Variants in POU2F2 observed in about 807,000 individuals in gnomAD.
The protein encoded by POU2F2 is POU class 2 homeobox 2, also known as POU domain, class 2, transcription factor 2.
In POU2F2, 14 loss-of-function variants were observed where a neutral mutation model predicts 63.5. That is an observed-to-expected ratio of 0.22 (90% CI 0.15 to 0.34). The LOEUF (loss-of-function observed/expected upper bound fraction) is 0.34, where lower values mean the gene tolerates loss of function less well. Among genes scored for constraint, POU2F2 ranks in the 10% least tolerant of loss-of-function variants. POU2F2 has a pLI of 1.00. For missense variants in POU2F2, 607 were observed against 815.2 expected (o/e 0.74, Z 3.11); for synonymous variants, 306 against 348.6 (o/e 0.88, Z 1.36).
chr19:42,162,220 C>G lies in POU2F2; in HGVS notation c.-69-1828G>C, dbSNP rs575065390. ...CCCTCTGCTACCTGGGGCTGTGGTG[C>G]CCATAGGCAGCACCATCCCTGGCAT... On this transcript the variant is annotated intron_variant, in intron 1 of 6. Coordinates refer to the POU2F2 transcript ENST00000524801. The surrounding 1 kb of genome is among the most constrained non-coding windows in gnomAD (Gnocchi z 4.1). 2.0e-5 allele frequency among the ~76,000 whole-genome samples: 3 copies of G among 152,266 alleles called. No homozygotes were observed. The East Asian group carries it at 5.8e-4, about 30-fold the overall frequency.
Position 42,091,192 on chromosome 19 carries a change from C to T in POU2F2, c.*65G>A, listed in dbSNP as rs2076700029. On this transcript the variant is annotated 3_prime_UTR_variant, in exon 15 of 15. Coordinates refer to ENST00000692977, the MANE Select transcript of POU2F2 (RefSeq NM_001394376.1). The stretch of plus-strand genomic sequence containing the variant: ...TGCGTCCCCACCACTGGCCTCCTCG[C>T]CCTCTTCCCAGGCAAGGGACCAAGG... The T allele has an allele frequency of 6.9e-7, 1 of 1,447,230 alleles. No homozygotes were observed. Among genetic ancestry groups the T allele is most frequent in the South Asian group, 1.4e-5 (1 of 72,740 alleles). The allele number at this position is 1,447,230 out of a possible 1,614,324, so 89.6% of individuals were successfully genotyped here.
chr19:42,095,225 C>T lies in POU2F2; in HGVS notation c.1197+61G>A. 5 of 1,540,762 alleles carry T rather than the reference C, an allele frequency of 3.2e-6. No individual in the cohort carries two copies. The highest frequency in any genetic ancestry group is 4.4e-6 in the Non-Finnish European group (5 of 1,143,634). On this transcript the variant is annotated intron_variant, in intron 11 of 14. Coordinates refer to ENST00000692977, the MANE Select transcript of POU2F2 (RefSeq NM_001394376.1). The surrounding 1 kb of genome is among the most constrained non-coding windows in gnomAD (Gnocchi z 7.1). ...TCTGTGGACAACCAGGTAGGGTGGGCTTCACACAGGTGCCTGCGGAGCTCT... is the reference window on the plus strand; with the variant it reads ...TCTGTGGACAACCAGGTAGGGTGGGTTTCACACAGGTGCCTGCGGAGCTCT...
intron 1 of POU2F2, among the ~76,000 whole-genome samples, chr19:42,174,774 C>T (rs540697938): frequency 3.9e-5 from 6 of 152,128 alleles, no homozygotes; most frequent in Non-Finnish European, 5.9e-5. Context: ...ACCAGCCCCC[C>T]ACTGCACACT....
At chr19:42,100,085 CTTTTTT>C (rs948283094) in intron 5 of POU2F2, among the ~76,000 whole-genome samples, 2,061 of 76,494 alleles carry the variant, frequency 0.027, no homozygotes, top group Non-Finnish European at 0.04. Context: ...CCCTTTCTTT[CTTTTTT>C]TTTTTTTTTT....
At chr19:42,191,034 T>G (rs1599734727) in intron 1 of POU2F2, among the ~76,000 whole-genome samples, 1 of 131,448 alleles carries the variant, frequency 7.6e-6, no homozygotes, top group Non-Finnish European at 1.6e-5. Context: ...GCCATTGCAC[T>G]CCACACTCCA....
chr19:42,093,003 ATATATATT>A (rs1338719972), intron 12 of POU2F2, among the ~76,000 whole-genome samples: 8 of 94,970 alleles, frequency 8.4e-5, no homozygotes, highest in African/African-American at 3.0e-4. Context: ...ATATATATAT[ATATATATT>A]TTTTTTTTTT....
chr19:42,122,354 G>A lies in POU2F2; in HGVS notation c.119C>T (p.Thr40Ile). Residue 40 changes from threonine to isoleucine, a missense_variant, in exon 3 of 15, where the codon ACT becomes ATT. Thr to Ile is a moderately conservative substitution (Grantham distance 89, BLOSUM62 -1). Transcript: ENST00000692977. Reference sequence around the variant, plus strand: ...CCACTCCCTCCTAACCTGATGATTAGTGTCTGGTCCATTTCTTTCGGTGTC... The same window carrying A: ...CCACTCCCTCCTAACCTGATGATTAATGTCTGGTCCATTTCTTTCGGTGTC... Reference protein sequence around the residue: ...HTDTERNGPDTNHQNPQNKTS... With the variant: ...HTDTERNGPDINHQNPQNKTS... 6.8e-7 allele frequency: 1 copy of A among 1,463,466 alleles called. No homozygotes were observed. The highest frequency in any genetic ancestry group is 1.1e-5 in the South Asian group (1 of 88,976). 90.7% of individuals were successfully genotyped at this position (1,463,466 alleles called of 1,614,324 possible). A position where few individuals can be genotyped will look rare whatever the true frequency, so the allele number is the denominator to read the frequency against.
upstream of POU2F2, among the ~76,000 whole-genome samples, chr19:42,137,278 G>T (rs764089439): frequency 7.9e-5 from 12 of 152,092 alleles, no homozygotes; most frequent in Non-Finnish European, 1.3e-4. Context: ...GTTCAAGGCT[G>T]CAATGAGCTA....
intron 5 of POU2F2, chr19:42,116,678 A>C (rs1031571116): frequency 3.3e-6 from 1 of 305,046 alleles, no homozygotes; most frequent in African/African-American, 2.3e-5. Context: ...CCTTCACTGC[A>C]GGGAGCCTGG....
chr19:42,154,087 C>T (rs1380499310), intron 2 of POU2F2, among the ~76,000 whole-genome samples: 10 of 149,596 alleles, frequency 6.7e-5, no homozygotes, highest in South Asian at 6.5e-4. Context: ...ACCCCCCCAG[C>T]GCCACCCGCT....
At position 42,116,906 on chromosome 19, in the gene POU2F2, C is replaced by T. The variant is rs1428296730; in HGVS notation, c.369+344G>A. On this transcript the variant is annotated intron_variant, in intron 5 of 14. Transcript: ENST00000692977. ...GCGGCGGCGGCGGCAGCGGCGTTAGCGGCAGCGGCGGCACTGGACTGCTGC... is the reference window on the plus strand; with the variant it reads ...GCGGCGGCGGCGGCAGCGGCGTTAGTGGCAGCGGCGGCACTGGACTGCTGC... The T allele has an allele frequency of 1.4e-5, 7 of 509,400 alleles. No homozygotes were observed. The East Asian group carries it at 2.0e-4, about 15-fold the overall frequency. The allele number at this position is 509,400 out of a possible 1,614,324, so 31.6% of individuals were successfully genotyped here.
chr19:42,116,901 GTTA>G, intron 5 of POU2F2: 1 of 501,666 alleles, frequency 2.0e-6, no homozygotes, highest in South Asian at 1.6e-5. Flanking sequence ...CGGCAGCGGC[GTTA>G]GCGGCAGCGG....
At chr19:42,170,002 G>A (rs79798999) in intron 1 of POU2F2, among the ~76,000 whole-genome samples, 1 of 152,178 alleles carries the variant, frequency 6.6e-6, no homozygotes, top group Non-Finnish European at 1.5e-5. Context: ...GGGAGTGGTG[G>A]GGGAGGGGCT....
intron 5 of POU2F2, among the ~76,000 whole-genome samples, chr19:42,100,752 AAAAT>A (rs1157569014): frequency 6.6e-6 from 1 of 152,026 alleles, no homozygotes; most frequent in Non-Finnish European, 1.5e-5. Context: ...CTCTGTCTCA[AAAAT>A]AAATAAATAA....
intron 1 of POU2F2, among the ~76,000 whole-genome samples, chr19:42,131,510 T>C (rs1222955517): frequency 1.3e-5 from 2 of 152,140 alleles, no homozygotes; most frequent in African/African-American, 4.8e-5. Flanking sequence ...ATGCTACATG[T>C]ATTACCTCAT....
At chr19:42,146,658 G>GC (rs57779178) in intron 2 of POU2F2, among the ~76,000 whole-genome samples, 1 of 151,910 alleles carries the variant, frequency 6.6e-6, no homozygotes, top group African/African-American at 2.4e-5. Flanking sequence ...CTAAGGGAAG[G>GC]CCCCCCCATT....
rs1307063696 is a variant in POU2F2, at chr19:42,123,856, T to A, written c.29-1280A>T. 2.0e-5 allele frequency among the ~76,000 whole-genome samples: 3 copies of A among 152,156 alleles called. No homozygotes were observed. In the East Asian group the frequency reaches 5.8e-4, roughly 29 times the overall value. On this transcript the variant is annotated intron_variant, in intron 1 of 14. Transcript: ENST00000692977. ...CCAAGTTGTGCCCAGATGGCTCAAG[T>A]CCTTCATCTGACCTTGACTCCCAAC...
intron 1 of POU2F2, among the ~76,000 whole-genome samples, chr19:42,193,217 C>CA (rs1046136227): frequency 0.048 from 3,126 of 65,336 alleles, 162 homozygotes; most frequent in African/African-American, 0.16. Context: ...GACTCCGTCT[C>CA]AAAAAAAAAA....
At chr19:42,098,533 C>T (rs770052231) in intron 7 of POU2F2, among the ~76,000 whole-genome samples, 4 of 151,636 alleles carry the variant, frequency 2.6e-5, no homozygotes, top group Non-Finnish European at 5.9e-5. Context: ...GATACAGTAA[C>T]AGTTTTGCAG....
Sources: allele counts gnomAD v4.1 joint callset (sites outside exome capture counted in the v4.1 genomes callset), GRCh38; gene constraint gnomAD v4.1.1; non-coding constraint Gnocchi (gnomAD v3.1); transcripts MANE v1.5; gene names NCBI Gene and HGNC (gene_info 2026-07-23, HGNC 2026-07-21).